PKD1L1: variants seen among roughly 807,000 people sequenced by gnomAD.
PKD1L1 encodes the protein polycystin 1 like 1, transient receptor potential channel interacting.
In PKD1L1, 236 loss-of-function variants were observed where a neutral mutation model predicts 323.4. That is an observed-to-expected ratio of 0.73 (90% CI 0.66 to 0.81). The LOEUF is 0.81. PKD1L1 is among the 40% of genes least tolerant of loss of function. The pLI is 0.00. For missense variants in PKD1L1, 3,320 were observed against 3,508.0 expected (o/e 0.95, Z 1.35); for synonymous variants, 1,344 against 1,335.0 (o/e 1.01, Z -0.15).
chr7:47,845,131 G>T, intron 32 of PKD1L1, 53 bp from the exon 33 acceptor site: 1 of 1,463,666 alleles, frequency 6.8e-7, no homozygotes, highest in South Asian at 1.2e-5. Flanking sequence ...AGCAGCTGTT[G>T]ACAGTGTAAT....
intron 33 of PKD1L1, among the ~76,000 whole-genome samples, chr7:47,843,470 C>A (rs1046986688): frequency 1.3e-5 from 2 of 152,172 alleles, no homozygotes; most frequent in African/African-American, 4.8e-5. Context: ...TGAACTATGG[C>A]TAAGAATGCC....
At chr7:47,882,754 G>A (rs985303682) in intron 19 of PKD1L1, among the ~76,000 whole-genome samples, 1 of 152,176 alleles carries the variant, frequency 6.6e-6, no homozygotes, top group Non-Finnish European at 1.5e-5. Flanking sequence ...ACATCATGCT[G>A]GGTGCACAGC....
rs1784905426 is a variant in PKD1L1, at chr7:47,811,899, C to T, written c.7499G>A (p.Ser2500Asn). 2 of 1,610,746 alleles carry T rather than the reference C, an allele frequency of 1.2e-6. No homozygotes were observed. Among genetic ancestry groups the T allele is most frequent in the Non-Finnish European group, 1.7e-6 (2 of 1,178,730 alleles). Residue 2500 changes from serine (S) to asparagine (N), a missense_variant, in exon 50 of 57, where the codon AGT becomes AAT. Physicochemically the swap from Ser to Asn is conservative, Grantham distance 46. Coordinates refer to ENST00000289672, the MANE Select transcript of PKD1L1 (RefSeq NM_138295.5). ...CTCCACCAGGGATGAGGGGACGAGA[C>T]TCCCCGTAGGGAGGATCTCCACTCT... Reference protein sequence around the residue: ...SLRVEILPTGSLVPSSLVESF... With the variant: ...SLRVEILPTGNLVPSSLVESF...
chr7:47,905,722 G>T, intron 10 of PKD1L1, 121 bp downstream of exon 10: 1 of 1,378,694 alleles, frequency 7.3e-7, no homozygotes, highest in Non-Finnish European at 1.0e-6. Flanking sequence ...CCTGTTCAAT[G>T]ACAAATGGGG....
At chr7:47,872,235 G>A (rs571941567) in intron 24 of PKD1L1, among the ~76,000 whole-genome samples, 237 of 152,242 alleles carry the variant, frequency 1.6e-3, no homozygotes, top group South Asian at 4.1e-3. Context: ...GAGGCTGGCC[G>A]GCACCAAAGC....
In PKD1L1 at chr7:47,915,307, C is replaced by T. The variant is rs111357584; in HGVS notation, c.1228+125G>A. 4.8e-4 allele frequency: 297 copies of T among 614,380 alleles called. 1 individual carries two copies. The highest frequency in any genetic ancestry group is 2.1e-3 in the Middle Eastern group (5 of 2,382). The allele number at this position is 614,380 out of a possible 1,614,324, so 38.1% of individuals were successfully genotyped here. A position where few individuals can be genotyped will look rare whatever the true frequency, so the allele number is the denominator to read the frequency against. ...CCTAACAATGCCACACACAGGACAC[C>T]GTAGCCCATAGAGTGTATAGCCAAT... On this transcript the variant is annotated intron_variant, in intron 8 of 56. Coordinates refer to ENST00000289672, the MANE Select transcript of PKD1L1 (RefSeq NM_138295.5).
intron 56 of PKD1L1, among the ~76,000 whole-genome samples, chr7:47,788,887 G>A (rs1174355425): frequency 2.6e-5 from 4 of 151,966 alleles, no homozygotes; most frequent in Admixed American, 6.6e-5. Context: ...GTAAGCCACC[G>A]TGCTTGGCCT....
upstream of PKD1L1, among the ~76,000 whole-genome samples, chr7:47,948,906 G>A (rs1253730740): frequency 6.6e-6 from 1 of 152,184 alleles, no homozygotes; most frequent in Non-Finnish European, 1.5e-5. Context: ...GCAGTGAGAC[G>A]AGATTGCACC....
At chr7:47,861,379 G>A (rs934019644) in intron 26 of PKD1L1, among the ~76,000 whole-genome samples, 1 of 152,186 alleles carries the variant, frequency 6.6e-6, no homozygotes, top group African/African-American at 2.4e-5. Context: ...AAGATTTCAC[G>A]GAGAAGGTGG....
At chr7:47,836,788 A>G in intron 37 of PKD1L1, 133 bp downstream of exon 37, 5 of 1,126,120 alleles carry the variant, frequency 4.4e-6, no homozygotes, top group Non-Finnish European at 6.3e-6. Flanking sequence ...TCTGGTCCCC[A>G]GGCAGCCAGG....
chr7:47,905,899 G>C lies in PKD1L1; in HGVS notation c.1466C>G (p.Thr489Ser). 2 of 1,613,842 alleles carry C rather than the reference G, an allele frequency of 1.2e-6. No individual in the cohort carries two copies. The highest frequency in any genetic ancestry group is 1.7e-6 in the Non-Finnish European group (2 of 1,179,930). The change falls in exon 10 of 57, where the codon ACT becomes AGT. Residue 489 changes from threonine (T) to serine (S), a missense_variant. Coordinates refer to ENST00000289672, the MANE Select transcript of PKD1L1 (RefSeq NM_138295.5). ...PSYNVSFISQTQVGDSQAWHS... is the reference protein window; with the variant it reads ...PSYNVSFISQSQVGDSQAWHS... ...CCAAGCCTGGCTGTCACCCACTTGA[G>C]TCTGAGAAATAAAGGACACGTTATA...
intron 39 of PKD1L1, among the ~76,000 whole-genome samples, 186 bp downstream of exon 39, chr7:47,834,781 T>G (rs1322477145): frequency 6.6e-6 from 1 of 152,196 alleles, no homozygotes. Context: ...TTCATATAAA[T>G]GTGGGCAAAT....
At chr7:47,788,893 G>A (rs1315284215) in intron 56 of PKD1L1, among the ~76,000 whole-genome samples, 1 of 151,908 alleles carries the variant, frequency 6.6e-6, no homozygotes, top group Non-Finnish European at 1.5e-5. Flanking sequence ...CACCGTGCTT[G>A]GCCTATTAAT....
intron 56 of PKD1L1, among the ~76,000 whole-genome samples, chr7:47,783,894 T>A (rs950234276): frequency 2.7e-4 from 41 of 152,336 alleles, no homozygotes; most frequent in African/African-American, 9.4e-4. Context: ...AAGACTCCAA[T>A]TGAAATAGAA....
intron 40 of PKD1L1, 117 bp downstream of exon 40, chr7:47,834,222 T>C: frequency 1.9e-6 from 2 of 1,029,458 alleles, no homozygotes; most frequent in Non-Finnish European, 2.9e-6. Flanking sequence ...TGTGTCCGTC[T>C]CACCTTGAGC....
At chr7:47,788,520 A>AGT (rs1356492452) in intron 56 of PKD1L1, among the ~76,000 whole-genome samples, 1 of 149,470 alleles carries the variant, frequency 6.7e-6, no homozygotes, top group Non-Finnish European at 1.5e-5. Context: ...GGCCTCCCAA[A>AGT]GTGCTGGGAT....
chr7:47,906,036 A>G (rs1787199491), intron 9 of PKD1L1, 74 bp from the exon 10 acceptor site: 3 of 1,346,884 alleles, frequency 2.2e-6, no homozygotes, highest in Non-Finnish European at 3.0e-6. Context: ...ACACACAGTC[A>G]GTATTTTTCA....
intron 13 of PKD1L1, among the ~76,000 whole-genome samples, chr7:47,901,582 G>A (rs775923150): frequency 1.4e-4 from 21 of 152,114 alleles, no homozygotes; most frequent in Non-Finnish European, 2.2e-4. Context: ...CAGAGAACGC[G>A]TTCCCCCAGC....
At chr7:47,960,041 C>T in the PKD1L1 span, among the ~76,000 whole-genome samples, 4 of 152,112 alleles carry the variant, frequency 2.6e-5, no homozygotes, top group African/African-American at 9.7e-5. Context: ...ATTATTCTGC[C>T]TTGTGATCCT....
Sources: gnomAD v4.1 joint callset for allele counts (sites outside exome capture counted in the v4.1 genomes callset) on GRCh38, gnomAD v4.1.1 for gene constraint, MANE v1.5 for transcripts, NCBI Gene and HGNC (gene_info 2026-07-23, HGNC 2026-07-21) for gene names.